The following A2M variants were observed in gnomAD, a reference collection of about 807,000 sequenced individuals.
A2M encodes the protein C3 and PZP-like alpha-2-macroglobulin domain-containing protein 5.
A neutral mutation model predicts 183.9 loss-of-function variants in A2M; 128 were observed. The ratio of observed to expected loss-of-function variants is 0.70; its 90% confidence interval spans 0.60 to 0.81. The LOEUF is 0.81. Among genes scored for constraint, A2M ranks in the 30% least tolerant of loss-of-function variants. The pLI is 0.00. For synonymous variants in A2M, 592 were observed against 670.8 expected (o/e 0.88, Z 1.81); for missense variants, 1,495 against 1,787.6 (o/e 0.84, Z 2.95).
intron 11 of A2M, among the ~76,000 whole-genome samples, chr12:9,103,703 G>A (rs1030804455): frequency 2.0e-5 from 3 of 152,082 alleles, no homozygotes; most frequent in African/African-American, 7.2e-5. Flanking sequence ...TTACCATAAC[G>A]TCCTCAAGGA....
intron 22 of A2M, 80 bp downstream of exon 22, chr12:9,089,120 G>T: frequency 8.9e-7 from 1 of 1,119,184 alleles, no homozygotes; most frequent in Non-Finnish European, 1.3e-6. Context: ...CAGAGAAAGT[G>T]TAGGAATAAT....
intron 28 of A2M, among the ~76,000 whole-genome samples, chr12:9,075,424 C>T (rs1948716982): frequency 6.6e-6 from 1 of 151,990 alleles, no homozygotes; most frequent in Admixed American, 6.6e-5. Context: ...TTCATTGCAG[C>T]ATTTTTTTTA....
chr12:9,068,591 G>T (rs1475938480), intron 34 of A2M, 149 bp downstream of exon 34: 3 of 689,396 alleles, frequency 4.4e-6, no homozygotes, highest in South Asian at 1.9e-5. Flanking sequence ...ATGTATAAGA[G>T]ACAAAAAGAG....
intron 26 of A2M, 75 bp from the exon 27 acceptor site, chr12:9,077,495 T>C: frequency 6.7e-7 from 1 of 1,497,140 alleles, no homozygotes; most frequent in Non-Finnish European, 9.2e-7. Context: ...TATTCTGCTG[T>C]GTCATGGAAT....
chr12:9,113,477 C>G lies in A2M; in HGVS notation c.153G>C (p.Leu51=). The G allele has an allele frequency of 1.2e-6, 2 of 1,613,812 alleles. No homozygotes were observed. Among genetic ancestry groups the G allele is most frequent in the Non-Finnish European group, 1.7e-6 (2 of 1,179,922 alleles). Residue 51 remains leucine, a synonymous_variant, in exon 2 of 36, where the codon CTG becomes CTC. Coordinates refer to ENST00000318602, the MANE Select transcript of A2M (RefSeq NM_000014.6). The part of the protein sequence containing the change: ...TETTEKGCVL[L]SYLNETVTVS... ...CAGTCACTGTCTCATTCAGGTAGCT[C>G]AGAAGGACACAGCCCTTCTCAGTGG...
chr12:9,069,462 G>T (rs1004838570), intron 33 of A2M, among the ~76,000 whole-genome samples: 17 of 151,972 alleles, frequency 1.1e-4, no homozygotes, highest in African/African-American at 4.1e-4. Context: ...ATATTACTGG[G>T]TATCCAAAAA....
chr12:9,091,499 T>C (rs1949214479), intron 18 of A2M, 70 bp from the exon 19 acceptor site: 2 of 1,502,252 alleles, frequency 1.3e-6, no homozygotes, highest in African/African-American at 1.4e-5. Flanking sequence ...AGAGAATCCC[T>C]AGGAATGATT....
chr12:9,114,685 G>A (rs1192778810), intron 1 of A2M, among the ~76,000 whole-genome samples: 4 of 151,048 alleles, frequency 2.6e-5, no homozygotes, highest in African/African-American at 4.9e-5. Flanking sequence ...ATACATATAC[G>A]TATGTATACT....
intron 4 of A2M, among the ~76,000 whole-genome samples, chr12:9,110,911 A>G (rs1938677534): frequency 6.6e-6 from 1 of 152,178 alleles, no homozygotes; most frequent in South Asian, 2.1e-4. Context: ...AAAATGGATT[A>G]ACATGTCTTA....
In A2M at chr12:9,101,531, A is replaced by G. The variant is rs372551034; in HGVS notation, c.1410T>C (p.Cys470=). 57 of 1,613,876 alleles carry G rather than the reference A, an allele frequency of 3.5e-5. No individual in the cohort carries two copies. In the African/African-American group the frequency reaches 6.5e-4, roughly 19 times the overall value. ...GTGCCTGGACTGTCTGAGTATGGCC[A>G]CAGGGTAGTTCATGAGACATGGGCT... ...HLEPMSHELP[C]GHTQTVQAHY... Residue 470 remains cysteine (C), a synonymous_variant, in exon 12 of 36, where the codon TGT becomes TGC. Coordinates refer to ENST00000318602, the MANE Select transcript of A2M (RefSeq NM_000014.6).
At chr12:9,070,812 G>T (rs116718744) in intron 31 of A2M, among the ~76,000 whole-genome samples, 1 of 148,392 alleles carries the variant, frequency 6.7e-6, no homozygotes, top group African/African-American at 2.5e-5. Context: ...GTGTATGGGG[G>T]CTGAGGATCT....
intron 31 of A2M, 89 bp downstream of exon 31, chr12:9,072,270 A>T: frequency 6.9e-7 from 1 of 1,446,020 alleles, no homozygotes; most frequent in Non-Finnish European, 9.5e-7. Flanking sequence ...GCAAATATCT[A>T]CTGTTGCACT....
At chr12:9,098,440 A>G (rs1289238661) in intron 15 of A2M, 167 bp downstream of exon 15, 3 of 421,862 alleles carry the variant, frequency 7.1e-6, no homozygotes, top group Admixed American at 4.0e-5. Flanking sequence ...TTATATATAT[A>G]TATATATATA....
intron 22 of A2M, among the ~76,000 whole-genome samples, chr12:9,082,113 G>T (rs73051904): frequency 0.03 from 4,536 of 152,264 alleles, 77 homozygotes; most frequent in South Asian, 0.048. Flanking sequence ...TGCTTGACCT[G>T]GGAGTCTAAA....
chr12:9,100,523 C>G (rs779549814), intron 13 of A2M, among the ~76,000 whole-genome samples: 1 of 152,084 alleles, frequency 6.6e-6, no homozygotes, highest in Non-Finnish European at 1.5e-5. Flanking sequence ...AAGAGATCCT[C>G]CCATCCCGTT....
At chr12:9,088,755 T>C (rs759887699) in intron 22 of A2M, among the ~76,000 whole-genome samples, 2 of 152,264 alleles carry the variant, frequency 1.3e-5, no homozygotes, top group Non-Finnish European at 2.9e-5. Flanking sequence ...AATATGACAA[T>C]AATGGTAAAG....
intron 22 of A2M, among the ~76,000 whole-genome samples, chr12:9,081,680 A>G (rs995264457): frequency 1.3e-5 from 2 of 152,214 alleles, no homozygotes; most frequent in Non-Finnish European, 1.5e-5. Context: ...CCAGATAGAG[A>G]GGAGTTCCCT....
chr12:9,085,989 T>G (rs1001376352), intron 22 of A2M, among the ~76,000 whole-genome samples: 2 of 152,134 alleles, frequency 1.3e-5, no homozygotes, highest in Non-Finnish European at 2.9e-5. Context: ...GTAAAGAGAT[T>G]GAATCAGTAA....
chr12:9,079,208 C>T lies in A2M; in HGVS notation c.3119+36G>A, dbSNP rs763708511. 3.2e-6 allele frequency: 5 copies of T among 1,551,906 alleles called. No homozygotes were observed. The Admixed American group carries it at 8.4e-5, about 26-fold the overall frequency. ...GGTAATACATGTAAAAGAGCTGGCACACAAAAAGAAGCTCAAAAAATTGTT... is the reference window on the plus strand; with the variant it reads ...GGTAATACATGTAAAAGAGCTGGCATACAAAAAGAAGCTCAAAAAATTGTT... On this transcript the variant is annotated intron_variant, in intron 25 of 35. Transcript: ENST00000318602.
Sources: gnomAD v4.1 joint callset for allele counts (sites outside exome capture counted in the v4.1 genomes callset) on GRCh38, gnomAD v4.1.1 for gene constraint, MANE v1.5 for transcripts, NCBI Gene and HGNC (gene_info 2026-07-23, HGNC 2026-07-21) for gene names.